RAP1GAP2: variants seen among roughly 807,000 people sequenced by gnomAD.
The protein encoded by RAP1GAP2 is rap1 GTPase-activating protein 2.
Under a neutral mutation model 95.0 loss-of-function variants are expected in RAP1GAP2, and 27 were observed. That is an observed-to-expected ratio of 0.28 (90% confidence interval 0.21 to 0.39). RAP1GAP2 has a LOEUF of 0.39. RAP1GAP2 is among the 10% of genes least tolerant of loss of function. The pLI is 1.00. For synonymous variants in RAP1GAP2, 373 were observed against 380.9 expected (o/e 0.98, Z 0.24); for missense variants, 771 against 970.0 (o/e 0.79, Z 2.72).
At position 2,916,680 on chromosome 17, in the gene RAP1GAP2, G is replaced by A. The variant is rs73294620; in HGVS notation, c.165+11312G>A. On this transcript the variant is annotated intron_variant, in intron 3 of 24. Transcript: ENST00000254695. The stretch of plus-strand genomic sequence containing the variant: ...AGGAGTGGGTGTGGGCAGTAATGAG[G>A]TCATCCACAGAATCGCTAGTGGAGC... 3.3e-3 allele frequency among the ~76,000 whole-genome samples: 500 copies of A among 152,304 alleles called. 3 individuals are homozygous for A. The highest frequency in any genetic ancestry group is 0.011 in the African/African-American group (471 of 41,564).
chr17:2,806,920 G>A (rs918945276), intron 2 of RAP1GAP2, among the ~76,000 whole-genome samples: 1 of 151,652 alleles, frequency 6.6e-6, no homozygotes, highest in African/African-American at 2.4e-5. Context: ...CTAGCCTCAA[G>A]CGATCCACCT....
Position 3,033,046 on chromosome 17 carries a change from G to T in RAP1GAP2, c.*31-346G>T, listed in dbSNP as rs1654122604. On this transcript the variant is annotated intron_variant, in intron 24 of 24. Transcript: ENST00000254695. This position sits in a 1 kb window ranked among gnomAD's most constrained non-coding sequence, Gnocchi z 4.9. ...CCCTCTCCCCACATGGGGCTTCAGG[G>T]GTCAGAGTCACAGCTGGAGCCAAGA... 1.3e-5 allele frequency: 2 copies of T among 154,966 alleles called. No individual in the cohort carries two copies. Among genetic ancestry groups the T allele is most frequent in the Non-Finnish European group, 1.4e-5 (1 of 69,686 alleles). 9.6% of individuals were successfully genotyped at this position (154,966 alleles called of 1,614,324 possible). A position where few individuals can be genotyped will look rare whatever the true frequency, so the allele number is the denominator to read the frequency against.
intron 7 of RAP1GAP2, 67 bp downstream of exon 7, chr17:2,964,135 G>A: frequency 7.1e-7 from 1 of 1,413,822 alleles, no homozygotes; most frequent in Non-Finnish European, 9.7e-7. Context: ...GAGAGAGGAG[G>A]TACCAGGCGG....
At chr17:2,937,209 A>C (rs1233928304) in intron 3 of RAP1GAP2, among the ~76,000 whole-genome samples, 3 of 152,106 alleles carry the variant, frequency 2.0e-5, no homozygotes, top group Non-Finnish European at 4.4e-5. Context: ...AGAGGGACCG[A>C]GGGTGATCTT....
rs534337279 is a variant in RAP1GAP2, at chr17:3,029,703, G to A, written c.2108-1219G>A. On this transcript the variant is annotated intron_variant, in intron 22 of 24. Transcript: ENST00000254695. This position sits in a 1 kb window ranked among gnomAD's most constrained non-coding sequence, Gnocchi z 4.4. ...GCAGCTTCCAGGAAGGCTGCACTAA[G>A]CTTTCCATACCCTCGGCCAGAGGAC... Among the ~76,000 whole-genome samples, 299 of 152,232 alleles carry A rather than the reference G, an allele frequency of 2.0e-3. No homozygotes were observed. The highest frequency in any genetic ancestry group is 6.8e-3 in the African/African-American group (281 of 41,526).
chr17:2,886,155 G>A (rs1216209341), intron 2 of RAP1GAP2, among the ~76,000 whole-genome samples: 1,335 of 110,088 alleles, frequency 0.012, 25 homozygotes, highest in African/African-American at 0.043. Flanking sequence ...GTGTGTGTGT[G>A]TGTGTGTATA....
In RAP1GAP2 at chr17:2,827,796, A is replaced by G; in HGVS notation, c.80+27246A>G. Among the ~76,000 whole-genome samples the G allele has an allele frequency of 6.8e-6, 1 of 147,900 alleles. No homozygotes were observed. The highest frequency in any genetic ancestry group is 1.5e-5 in the Non-Finnish European group (1 of 67,500). On this transcript the variant is annotated intron_variant, in intron 2 of 24. Transcript: ENST00000254695. The surrounding 1 kb of genome is among the most constrained non-coding windows in gnomAD (Gnocchi z 4.1). ...GTCAGCATCTCTTTGGTTGCTTTTT[A>G]TCAGCTTCCTATTAGAAAAAAAAAA...
chr17:2,918,714 A>G (rs2042654575), intron 3 of RAP1GAP2, among the ~76,000 whole-genome samples: 1 of 152,038 alleles, frequency 6.6e-6, no homozygotes, highest in African/African-American at 2.4e-5. Context: ...TTCATGAGAA[A>G]TCCGCCCTCT....
At chr17:2,788,048 A>C (rs1170691513) in intron 1 of RAP1GAP2, among the ~76,000 whole-genome samples, 3 of 152,218 alleles carry the variant, frequency 2.0e-5, no homozygotes, top group South Asian at 4.1e-4. Context: ...TAATGATATG[A>C]TTAACATCTG....
upstream of RAP1GAP2, chr17:2,755,685 G>A (rs186745761): frequency 0.19 from 57,372 of 298,394 alleles, 6,379 homozygotes; most frequent in East Asian, 0.33. Context: ...CCACCGTGCG[G>A]CCCGCGGAGG....
At chr17:2,891,817 T>TC (rs1361873404) in intron 2 of RAP1GAP2, among the ~76,000 whole-genome samples, 113 of 102,250 alleles carry the variant, frequency 1.1e-3, no homozygotes, top group African/African-American at 4.6e-3. Context: ...TTCTTTTCTT[T>TC]TTTTTTTTTT....
chr17:2,881,502 A>G (rs2073289170), intron 2 of RAP1GAP2, among the ~76,000 whole-genome samples: 1 of 152,148 alleles, frequency 6.6e-6, no homozygotes. Context: ...AGGGTTGAAT[A>G]ATGTTCCTTT....
At chr17:2,792,536 A>G (rs939085496), upstream of RAP1GAP2, among the ~76,000 whole-genome samples, 8 of 152,202 alleles carry the variant, frequency 5.3e-5, no homozygotes, top group Admixed American at 2.6e-4. Context: ...ATGATGGGCC[A>G]TGAGCCGTCT....
intron 3 of RAP1GAP2, among the ~76,000 whole-genome samples, chr17:2,920,004 T>A (rs929097889): frequency 1.0e-4 from 13 of 126,474 alleles, no homozygotes; most frequent in African/African-American, 4.5e-4. Context: ...TCTGGCCTCC[T>A]TTTTTCTTTT....
intron 18 of RAP1GAP2, among the ~76,000 whole-genome samples, chr17:3,018,725 G>A (rs988399611): frequency 2.6e-5 from 4 of 152,144 alleles, no homozygotes; most frequent in African/African-American, 7.2e-5. Context: ...AAGGAGGCCC[G>A]CTGGGGCTCA....
intron 2 of RAP1GAP2, among the ~76,000 whole-genome samples, chr17:2,840,045 G>A (rs2071304406): frequency 6.6e-6 from 1 of 151,746 alleles, no homozygotes; most frequent in Admixed American, 6.6e-5. Context: ...TTCGCACCCG[G>A]CAGAACCATT....
At chr17:2,945,065 C>T (rs12602849) in intron 3 of RAP1GAP2, among the ~76,000 whole-genome samples, 19,943 of 151,880 alleles carry the variant, frequency 0.13, 1,375 homozygotes, top group East Asian at 0.26. Context: ...TTAGTAGAGA[C>T]GAGGTTTCAC....
At position 3,035,432 on chromosome 17, in the gene RAP1GAP2, C is replaced by T. The variant is rs543523806; in HGVS notation, c.*2071C>T. 1 of 152,508 alleles carries T rather than the reference C, an allele frequency of 6.6e-6. No homozygotes were observed. Among genetic ancestry groups the T allele is most frequent in the South Asian group, 2.1e-4 (1 of 4,830 alleles). 9.4% of individuals were successfully genotyped at this position (152,508 alleles called of 1,614,324 possible). A position where few individuals can be genotyped will look rare whatever the true frequency, so the allele number is the denominator to read the frequency against. ...TTTCCAGGTTGTCACCATGCTGTCC[C>T]ATTTGGGAATCCCATACCTGCCTGT... On this transcript the variant is annotated 3_prime_UTR_variant, in exon 25 of 25. Transcript: ENST00000254695. This position sits in a 1 kb window ranked among gnomAD's most constrained non-coding sequence, Gnocchi z 4.3.
intron 8 of RAP1GAP2, among the ~76,000 whole-genome samples, chr17:2,975,807 A>T (rs2045090766): frequency 6.6e-6 from 1 of 151,948 alleles, no homozygotes; most frequent in Non-Finnish European, 1.5e-5. Flanking sequence ...ATTTAGTTAG[A>T]CCCGTTTCAT....
Sources: allele counts gnomAD v4.1 joint callset (sites outside exome capture counted in the v4.1 genomes callset), GRCh38; gene constraint gnomAD v4.1.1; non-coding constraint Gnocchi (gnomAD v3.1); transcripts MANE v1.5; gene names NCBI Gene and HGNC (gene_info 2026-07-23, HGNC 2026-07-21).